Variants in RAPGEF2 observed in about 807,000 individuals in gnomAD.
The protein encoded by RAPGEF2 is Rap guanine nucleotide exchange factor 2, also known as PDZ domain containing guanine nucleotide exchange factor (GEF) 1.
Under a neutral mutation model 186.7 loss-of-function variants are expected in RAPGEF2, and 54 were observed. The observed-to-expected ratio is 0.29, with a 90% confidence interval of 0.23 to 0.36. RAPGEF2 has a LOEUF of 0.36. Among genes scored for constraint, RAPGEF2 ranks in the 10% least tolerant of loss-of-function variants. RAPGEF2 has a pLI of 1.00. For synonymous variants in RAPGEF2, 712 were observed against 705.9 expected (o/e 1.01, Z -0.14); for missense variants, 1,532 against 2,045.0 (o/e 0.75, Z 4.84).
At chr4:159,242,029 C>G (rs996494676) in intron 6 of RAPGEF2, among the ~76,000 whole-genome samples, 1 of 151,952 alleles carries the variant, frequency 6.6e-6, no homozygotes, top group Non-Finnish European at 1.5e-5. Context: ...AGACATAACC[C>G]AGTTCATTGT....
At chr4:159,250,928 T>TG (rs1158932386) in intron 7 of RAPGEF2, among the ~76,000 whole-genome samples, 3 of 152,132 alleles carry the variant, frequency 2.0e-5, no homozygotes, top group Non-Finnish European at 4.4e-5. Context: ...TGGAGGGAGA[T>TG]GCGCAGGTGG....
At chr4:159,300,780 G>A (rs953801068) in intron 7 of RAPGEF2, among the ~76,000 whole-genome samples, 2 of 152,128 alleles carry the variant, frequency 1.3e-5, no homozygotes, top group African/African-American at 4.8e-5. Flanking sequence ...AAAAAGTTTA[G>A]AGTAAGGGAT....
chr4:159,198,329 T>C (rs1561075294), intron 3 of RAPGEF2, among the ~76,000 whole-genome samples: 1 of 86,084 alleles, frequency 1.2e-5, no homozygotes, highest in African/African-American at 9.3e-5. Context: ...TTTCTTTCTT[T>C]CTTTCTTTTT....
At chr4:159,314,564 T>G in intron 8 of RAPGEF2, 27 bp from the exon 9 acceptor site, 1 of 1,572,988 alleles carries the variant, frequency 6.4e-7, no homozygotes, top group Non-Finnish European at 8.6e-7. Context: ...TTAAAATAGT[T>G]TTTAATTTTT....
At chr4:159,184,094 T>G (rs950865546) in intron 1 of RAPGEF2, among the ~76,000 whole-genome samples, 3 of 152,196 alleles carry the variant, frequency 2.0e-5, no homozygotes, top group Non-Finnish European at 2.9e-5. Flanking sequence ...TGGCTGCATA[T>G]TATTCCATGG....
In RAPGEF2 at chr4:159,200,357, G is replaced by T. The variant is rs544386175; in HGVS notation, c.197+7101G>T. ...GGCGCACCTCTGTGGTCCCAGCACTGCTCAGGAGGCTGAGGTGGGAAGGTC... is the reference window on the plus strand; with the variant it reads ...GGCGCACCTCTGTGGTCCCAGCACTTCTCAGGAGGCTGAGGTGGGAAGGTC... On this transcript the variant is annotated intron_variant, in intron 3 of 29. Coordinates refer to ENST00000691494, the MANE Select transcript of RAPGEF2 (RefSeq NM_001394067.2). Among the ~76,000 whole-genome samples, 3 of 152,130 alleles carry T rather than the reference G, an allele frequency of 2.0e-5. No homozygotes were observed. The South Asian group carries it at 6.2e-4, about 32-fold the overall frequency.
chr4:159,331,988 T>TA lies in RAPGEF2; in HGVS notation c.1843dup (p.Arg615LysfsTer3), dbSNP rs757892124. ...AGCTGTCAAAAGCTATGGAAATTCT[T>TA]AGAAATAACACACATTTATCTATCA... On this transcript the variant is annotated frameshift_variant, in exon 16 of 30. Coordinates refer to ENST00000691494, the MANE Select transcript of RAPGEF2 (RefSeq NM_001394067.2). LOFTEE classifies it high-confidence loss of function. 1 of 1,609,742 alleles carries TA rather than the reference T, an allele frequency of 6.2e-7. No homozygotes were observed. Among genetic ancestry groups the TA allele is most frequent in the Non-Finnish European group, 8.5e-7 (1 of 1,178,688 alleles).
chr4:159,346,686 A>G, intron 24 of RAPGEF2, 103 bp from the exon 25 acceptor site: 1 of 960,802 alleles, frequency 1.0e-6, no homozygotes. Flanking sequence ...TTAATTTAGT[A>G]TTCTAACTGC....
At chr4:159,330,601 G>T in intron 13 of RAPGEF2, 103 bp downstream of exon 13, 2 of 766,162 alleles carry the variant, frequency 2.6e-6, no homozygotes, top group South Asian at 2.2e-5. Context: ...TTAATGTAAT[G>T]AAATAGGAGA....
chr4:159,323,489 T>A lies in RAPGEF2; in HGVS notation c.1021T>A (p.Ser341Thr), dbSNP rs1452665581. 6.2e-7 allele frequency: 1 copy of A among 1,611,206 alleles called. No individual in the cohort carries two copies. The highest frequency in any genetic ancestry group is 2.2e-5 in the East Asian group (1 of 44,638). The change falls in exon 11 of 30, where the codon TCT (serine) becomes ACT (threonine). Residue 341 changes from serine to threonine, a missense_variant. By Grantham distance (58) the Ser-to-Thr change is moderately conservative. Transcript: ENST00000691494. Reference protein sequence around the residue: ...LDSWSVILNGSVEVTYPDGKA... With the variant: ...LDSWSVILNGTVEVTYPDGKA... ...CTCCTGGTCAGTGATTCTCAATGGA[T>A]CTGTGGAAGTGACTTATCCAGATGG...
intron 1 of RAPGEF2, among the ~76,000 whole-genome samples, chr4:159,178,551 C>CATTT (rs1554005429): frequency 1.3e-5 from 1 of 75,470 alleles, no homozygotes; most frequent in Non-Finnish European, 2.3e-5. Flanking sequence ...ATGTATTATG[C>CATTT]TTTTTTTTTT....
intron 17 of RAPGEF2, 41 bp downstream of exon 17, chr4:159,332,738 G>A (rs1766861069): frequency 6.3e-7 from 1 of 1,592,968 alleles, no homozygotes; most frequent in Admixed American, 1.7e-5. Context: ...ATTTTATTTT[G>A]TTAAAATGAT....
At chr4:159,282,950 A>C (rs1236053713) in intron 7 of RAPGEF2, among the ~76,000 whole-genome samples, 1 of 152,048 alleles carries the variant, frequency 6.6e-6, no homozygotes, top group Non-Finnish European at 1.5e-5. Flanking sequence ...GTATCTGTTA[A>C]AAAAAATGCC....
chr4:159,315,512 TA>T (rs754988315), intron 9 of RAPGEF2, among the ~76,000 whole-genome samples: 19 of 152,126 alleles, frequency 1.2e-4, no homozygotes, highest in Non-Finnish European at 2.2e-4. Context: ...GACAAAGAGA[TA>T]AAAGAAAAGG....
chr4:159,207,368 G>C (rs1490967406), intron 3 of RAPGEF2, among the ~76,000 whole-genome samples: 3 of 152,182 alleles, frequency 2.0e-5, no homozygotes, highest in Admixed American at 2.0e-4. Flanking sequence ...CTTCAAGTGT[G>C]TTTTATTATC....
At chr4:159,354,130 T>C (rs1430248834) in intron 28 of RAPGEF2, 84 bp downstream of exon 28, 1 of 1,353,512 alleles carries the variant, frequency 7.4e-7, no homozygotes, top group Non-Finnish European at 9.9e-7. Flanking sequence ...TATGTGTTTG[T>C]TGGTTCTTTT....
chr4:159,227,366 A>G (rs1327615471), intron 4 of RAPGEF2, among the ~76,000 whole-genome samples: 1 of 152,232 alleles, frequency 6.6e-6, no homozygotes, highest in Non-Finnish European at 1.5e-5. Flanking sequence ...TCATTTGAAG[A>G]TAAGATATTA....
Position 159,158,952 on chromosome 4 carries a change from T to C in RAPGEF2, c.70-27690T>C, listed in dbSNP as rs1434148181. Among the ~76,000 whole-genome samples, 5 of 152,272 alleles carry C rather than the reference T, an allele frequency of 3.3e-5. No individual in the cohort carries two copies. The East Asian group carries it at 9.6e-4, about 29-fold the overall frequency. On this transcript the variant is annotated intron_variant, in intron 1 of 29. Coordinates refer to ENST00000691494, the MANE Select transcript of RAPGEF2 (RefSeq NM_001394067.2). ...AGCCGTAGCTGTATAAGGGCTAGCG[T>C]TTAAGTGTTTTATAATCTCACTTTA...
intron 7 of RAPGEF2, among the ~76,000 whole-genome samples, chr4:159,251,254 C>T (rs550445202): frequency 4.6e-5 from 7 of 152,380 alleles, no homozygotes; most frequent in East Asian, 3.9e-4. Context: ...GCCTTCCCGA[C>T]GGGCGCCGTC....
Sources: gnomAD v4.1 joint callset for allele counts (sites outside exome capture counted in the v4.1 genomes callset) on GRCh38, gnomAD v4.1.1 for gene constraint, MANE v1.5 for transcripts, NCBI Gene and HGNC (gene_info 2026-07-23, HGNC 2026-07-21) for gene names.